RMC1: variants seen among roughly 807,000 people sequenced by gnomAD.
The protein encoded by RMC1 is regulator of MON1-CCZ1, also known as regulator of MON1-CCZ1 complex.
RMC1 carries 44 observed loss-of-function variants against 95.5 expected under a neutral mutation model. That is an observed-to-expected ratio of 0.46 (90% CI 0.36 to 0.59). The LOEUF (loss-of-function observed/expected upper bound fraction) is 0.59, where lower values mean the gene tolerates loss of function less well. Among genes scored for constraint, RMC1 ranks in the 20% least tolerant of loss-of-function variants. RMC1 has a pLI of 0.00. For missense variants in RMC1, 705 were observed against 819.6 expected, an observed-to-expected ratio of 0.86 and a Z score of 1.71; for synonymous variants, 320 against 303.6, an observed-to-expected ratio of 1.05 and a Z score of -0.56.
Position 23,519,306 on chromosome 18 carries a change from C to A in RMC1, c.849+132C>A. 5.4e-6 allele frequency: 4 copies of A among 741,628 alleles called. No individual in the cohort carries two copies. In the South Asian group the frequency reaches 6.7e-5, roughly 12 times the overall value. The allele number at this position is 741,628 out of a possible 1,614,324, so 45.9% of individuals were successfully genotyped here. A position where few individuals can be genotyped will look rare whatever the true frequency, so the allele number is the denominator to read the frequency against. On this transcript the variant is annotated intron_variant, in intron 9 of 19. Coordinates refer to ENST00000269221, the MANE Select transcript of RMC1 (RefSeq NM_013326.5). The stretch of plus-strand genomic sequence containing the variant: ...GCCAAGGCGGACAGATTGCTTGAGC[C>A]CAGGAGTTCGAGACCAGCCTGAGCA...
intron 4 of RMC1, 84 bp from the exon 5 acceptor site, chr18:23,509,109 A>G: frequency 2.2e-6 from 1 of 451,712 alleles, no homozygotes; most frequent in Non-Finnish European, 3.7e-6. Context: ...AGAATGACAA[A>G]CTGCAGAGTT....
upstream of RMC1, chr18:23,503,505 G>C (rs1232145758): frequency 1.2e-5 from 7 of 580,988 alleles, no homozygotes; most frequent in Middle Eastern, 5.7e-4. Flanking sequence ...CGTCCGCGCC[G>C]GGCCCAGAGC....
chr18:23,529,341 A>C, intron 15 of RMC1, 43 bp downstream of exon 15: 1 of 1,579,544 alleles, frequency 6.3e-7, no homozygotes, highest in Non-Finnish European at 8.6e-7. Flanking sequence ...AGAATGCTCA[A>C]AACAAGGAAG....
chr18:23,524,073 C>A, intron 10 of RMC1, 57 bp from the exon 11 acceptor site: 2 of 1,551,100 alleles, frequency 1.3e-6, no homozygotes, highest in Non-Finnish European at 1.8e-6. Context: ...TCATAAGTAC[C>A]AGCATTTGCA....
At chr18:23,530,173 T>A in intron 17 of RMC1, 41 bp downstream of exon 17, 2 of 1,613,962 alleles carry the variant, frequency 1.2e-6, no homozygotes, top group African/African-American at 1.3e-5. Flanking sequence ...TGGTTAAAAA[T>A]GGAAAATTTT....
chr18:23,507,497 C>A (rs2057745659), intron 3 of RMC1, among the ~76,000 whole-genome samples: 1 of 152,156 alleles, frequency 6.6e-6, no homozygotes, highest in South Asian at 2.1e-4. Flanking sequence ...CTTTTCATCT[C>A]TCATTTCTGA....
In RMC1 at chr18:23,507,010, T is replaced by C. The variant is rs757571809; in HGVS notation, c.220T>C (p.Leu74=). The change falls in exon 3 of 20, where the codon TTA becomes CTA. Residue 74 remains leucine (L), a synonymous_variant. Transcript: ENST00000269221. ...AGAAGTGAAGTGCATTAAGTTTTCC[T>C]TAGAAAATAAGATATTGGCTGTTCA... ...KGEVKCIKFS[L]ENKILAVQRT... The C allele has an allele frequency of 2.5e-6, 4 of 1,609,658 alleles. No homozygotes were observed. In the African/African-American group the frequency reaches 5.3e-5, roughly 22 times the overall value.
At chr18:23,524,274 C>G in intron 11 of RMC1, 100 bp downstream of exon 11, 1 of 1,510,620 alleles carries the variant, frequency 6.6e-7, no homozygotes, top group Non-Finnish European at 9.2e-7. Context: ...GAATAACACT[C>G]CGAGAGCCAC....
intron 2 of RMC1, among the ~76,000 whole-genome samples, chr18:23,505,614 C>T (rs954846185): frequency 1.3e-5 from 2 of 152,144 alleles, no homozygotes; most frequent in African/African-American, 2.4e-5. Flanking sequence ...GTTCACAGCA[C>T]GGAGGCTGGC....
chr18:23,519,160 C>T lies in RMC1; in HGVS notation c.835C>T (p.His279Tyr), dbSNP rs781241792. ...GGTGGACAACCTGGTAGTCGTGCAT[C>T]ATCAGGATACAGAGGTACAAGCTGT... ...NVVDNLVVVH[H>Y]QDTETSVIFD... Residue 279 changes from histidine to tyrosine, a missense_variant, in exon 9 of 20, where the codon CAT (histidine) becomes TAT (tyrosine). His to Tyr is a moderately conservative substitution (Grantham distance 83, BLOSUM62 2). Coordinates refer to ENST00000269221, the MANE Select transcript of RMC1 (RefSeq NM_013326.5). The T allele has an allele frequency of 1.2e-6, 2 of 1,613,908 alleles. No individual in the cohort carries two copies. The highest frequency in any genetic ancestry group is 2.2e-5 in the South Asian group (2 of 91,072).
chr18:23,529,986 A>C (rs1296806485), intron 16 of RMC1, 42 bp from the exon 17 acceptor site: 1 of 1,533,992 alleles, frequency 6.5e-7, no homozygotes, highest in Non-Finnish European at 9.0e-7. Context: ...TTGTAGCTGA[A>C]TGATTTGGAA....
intron 5 of RMC1, among the ~76,000 whole-genome samples, chr18:23,510,964 C>T (rs934534851): frequency 1.1e-4 from 17 of 152,156 alleles, no homozygotes; most frequent in African/African-American, 4.1e-4. Flanking sequence ...ACCTAGCAGC[C>T]CCATTACTGG....
chr18:23,530,210 G>A lies in RMC1; in HGVS notation c.1600-19G>A. 1 of 1,614,118 alleles carries A rather than the reference G, an allele frequency of 6.2e-7. No individual in the cohort carries two copies. The highest frequency in any genetic ancestry group is 8.5e-7 in the Non-Finnish European group (1 of 1,180,014). Reference sequence around the variant, plus strand: ...ACCGTTATCTTTCCAACTGAAGTGGGTCTAAAAATGTCTTTCAGGCTTGTC... The same window carrying A: ...ACCGTTATCTTTCCAACTGAAGTGGATCTAAAAATGTCTTTCAGGCTTGTC... On this transcript the variant is annotated intron_variant, in intron 17 of 19. Transcript: ENST00000269221.
At position 23,519,031 on chromosome 18, in the gene RMC1, G is replaced by C. The variant is rs189797364; in HGVS notation, c.744-38G>C. ...TCTCTCTGATTTTAAAATGTGAACT[G>C]CAGCTTGTTGATCTGTTTTTTGCTT... On this transcript the variant is annotated intron_variant, in intron 8 of 19. Coordinates refer to ENST00000269221, the MANE Select transcript of RMC1 (RefSeq NM_013326.5). 2.7e-3 allele frequency: 4,355 copies of C among 1,612,506 alleles called. 97 individuals carry two copies. The African/African-American group carries it at 0.052, about 19-fold the overall frequency.
chr18:23,527,883 C>T lies in RMC1; in HGVS notation c.1278C>T (p.Ala426=), dbSNP rs199754802. Residue 426 remains alanine, a synonymous_variant, in exon 14 of 20, where the codon GCC becomes GCT. Transcript: ENST00000269221. ...ATGAGTATAAAAAGTACCTGGATGC[C>T]GAGCAGAGTTATGCGATGGTGAGTT... ...LNHEYKKYLD[A]EQSYAMAVEA... 9.1e-5 allele frequency: 147 copies of T among 1,613,704 alleles called. No individual in the cohort carries two copies. Among genetic ancestry groups the T allele is most frequent in the Non-Finnish European group, 1.2e-4 (139 of 1,179,874 alleles).
At chr18:23,514,238 G>A (rs1473228779) in intron 5 of RMC1, among the ~76,000 whole-genome samples, 1 of 152,220 alleles carries the variant, frequency 6.6e-6, no homozygotes, top group Non-Finnish European at 1.5e-5. Flanking sequence ...ATGACTGGCT[G>A]GGCACGGTGG....
At chr18:23,531,555 C>T in intron 19 of RMC1, 70 bp from the exon 20 acceptor site, 1 of 1,581,516 alleles carries the variant, frequency 6.3e-7, no homozygotes, top group Admixed American at 1.9e-5. Flanking sequence ...GTAGACACAC[C>T]TACGAGATGC....
chr18:23,507,393 T>C (rs1404348400), intron 3 of RMC1, among the ~76,000 whole-genome samples: 4 of 152,082 alleles, frequency 2.6e-5, no homozygotes, highest in African/African-American at 9.7e-5. Flanking sequence ...CCTTAAAAAT[T>C]GTTAAAAAAT....
chr18:23,524,350 C>A, intron 11 of RMC1, 79 bp from the exon 12 acceptor site: 1 of 1,535,164 alleles, frequency 6.5e-7, no homozygotes, highest in Non-Finnish European at 9.0e-7. Flanking sequence ...ACATGGTGGG[C>A]AGGGGCGAGT....
Sources: allele counts gnomAD v4.1 joint callset (sites outside exome capture counted in the v4.1 genomes callset), GRCh38; gene constraint gnomAD v4.1.1; transcripts MANE v1.5; gene names NCBI Gene and HGNC (gene_info 2026-07-23, HGNC 2026-07-21).